The following ADCY6 variants were observed in gnomAD, a reference collection of about 807,000 sequenced individuals.
The protein encoded by ADCY6 is adenylate cyclase 6, also known as adenylate cyclase type 6.
ADCY6 carries 59 observed loss-of-function variants against 111.6 expected under a neutral mutation model. That is an observed-to-expected ratio of 0.53 (90% CI 0.43 to 0.66). The LOEUF is 0.66. ADCY6 is among the 30% of genes least tolerant of loss of function. The probability of loss-of-function intolerance (pLI) is 0.00; values close to 1 mark genes in which losing one functional copy is unlikely to be tolerated. For missense variants in ADCY6, 1,242 were observed against 1,595.6 expected, an observed-to-expected ratio of 0.78 and a Z score of 3.78; for synonymous variants, 576 against 642.9, an observed-to-expected ratio of 0.90 and a Z score of 1.57.
chr12:48,783,287 C>CA lies in ADCY6; in HGVS notation c.147dup (p.Ala50CysfsTer19). ...GCAGGGGTGGGGCTGGGTGGCTCTG[C>CA]ATCCCGGAGGCAGCTCATATAGCGG... On this transcript the variant is annotated frameshift_variant, in exon 2 of 22. Coordinates refer to ENST00000357869, the MANE Select transcript of ADCY6 (RefSeq NM_015270.5). LOFTEE classifies it high-confidence loss of function. The CA allele has an allele frequency of 6.2e-7, 1 of 1,612,600 alleles. No homozygotes were observed. Among genetic ancestry groups the CA allele is most frequent in the Non-Finnish European group, 8.5e-7 (1 of 1,179,568 alleles).
rs762954289 is a variant in ADCY6, at chr12:48,776,451, G to A, written c.1512C>T (p.His504=). 11 of 1,609,136 alleles carry A rather than the reference G, an allele frequency of 6.8e-6. No homozygotes were observed. Among genetic ancestry groups the A allele is most frequent in the African/African-American group, 2.7e-5 (2 of 72,802 alleles). The change falls in exon 7 of 22, where the codon CAC becomes CAT. Residue 504 remains histidine, a synonymous_variant. Coordinates refer to ENST00000357869, the MANE Select transcript of ADCY6 (RefSeq NM_015270.5). This position sits in a 1 kb window ranked among gnomAD's most constrained non-coding sequence, Gnocchi z 6.1. ...ACCCAGCCCGGCCTCCTGCCTCCAT[G>A]TGGTTGGCCAGGGTCACATCATTGG... is the stretch of plus-strand genomic sequence containing the variant. ...VWSNDVTLAN[H]MEAGGRAGRI... is the part of the protein sequence containing the mutation.
intron 1 of ADCY6, among the ~76,000 whole-genome samples, chr12:48,787,554 T>A (rs939684668): frequency 6.6e-6 from 1 of 152,146 alleles, no homozygotes; most frequent in Non-Finnish European, 1.5e-5. Context: ...CAGACTGGTA[T>A]GGCAGGAAAC....
rs942096763 is a variant in ADCY6 at position 48,768,534 on chromosome 12, C to T, written c.*57G>A. ...CTGCCACAGCTCCACCCAGTGAGCA[C>T]AGAGTCCACTCAATGCCCACCTTGG... On this transcript the variant is annotated 3_prime_UTR_variant, in exon 22 of 22. Transcript: ENST00000357869. 8 of 1,612,918 alleles carry T rather than the reference C, an allele frequency of 5.0e-6. No individual in the cohort carries two copies. The African/African-American group carries it at 8.0e-5, about 16-fold the overall frequency.
Position 48,777,132 on chromosome 12 carries a change from T to C in ADCY6, c.1348A>G (p.Met450Val). 2 of 1,612,304 alleles carry C rather than the reference T, an allele frequency of 1.2e-6. No individual in the cohort carries two copies. Among genetic ancestry groups the C allele is most frequent in the Non-Finnish European group, 1.7e-6 (2 of 1,179,120 alleles). Reference protein sequence around the residue: ...RADHAHCCVEMGVDMIEAISL... With the variant: ...RADHAHCCVEVGVDMIEAISL... Reference sequence around the variant, plus strand: ...ATGGCCTCAATCATGTCTACCCCCATCTCCACACAGCAGTGGGCATGGTCG... The same window carrying C: ...ATGGCCTCAATCATGTCTACCCCCACCTCCACACAGCAGTGGGCATGGTCG... Residue 450 changes from methionine (M) to valine (V), a missense_variant, in exon 6 of 22, where the codon ATG becomes GTG. Physicochemically the swap from Met to Val is conservative, Grantham distance 21. This residue lies in a region of ADCY6 where 260 missense variants were observed against 414.6 expected (regional missense o/e 0.63). Coordinates refer to ENST00000357869, the MANE Select transcript of ADCY6 (RefSeq NM_015270.5). The surrounding 1 kb of genome is among the most constrained non-coding windows in gnomAD (Gnocchi z 4.9).
chr12:48,775,052 G>C lies in ADCY6; in HGVS notation c.1983C>G (p.Tyr661Ter). The C allele has an allele frequency of 6.4e-7, 1 of 1,554,048 alleles. No individual in the cohort carries two copies. The highest frequency in any genetic ancestry group is 8.7e-7 in the Non-Finnish European group (1 of 1,148,192). Residue 661 changes from tyrosine to a stop codon, truncating the protein, a stop_gained and splice_region_variant, in exon 12 of 22, where the codon TAC becomes TAG. Coordinates refer to ENST00000357869, the MANE Select transcript of ADCY6 (RefSeq NM_015270.5). LOFTEE classifies it high-confidence loss of function. Reference protein sequence around the residue: ...TFQREDLEKKYSRKVDPRFGA... With the variant: ...TFQREDLEKK ...CGAAGCGGGGATCCACCTTCCGGGA[G>C]TACTGAGGGAGAGGAGGCTGAGCTG...
intron 1 of ADCY6, among the ~76,000 whole-genome samples, chr12:48,786,147 A>G (rs1592167040): frequency 1.3e-5 from 2 of 152,308 alleles, no homozygotes; most frequent in African/African-American, 4.8e-5. Context: ...ACTCGGGGAC[A>G]GGATGGAGGA....
intron 20 of ADCY6, 57 bp downstream of exon 20, chr12:48,770,709 C>G: frequency 6.4e-7 from 1 of 1,564,702 alleles, no homozygotes; most frequent in Admixed American, 1.7e-5. Context: ...GCCTATAATC[C>G]CAGCTTCACC....
At chr12:48,778,020 C>A in intron 3 of ADCY6, 88 bp downstream of exon 3, 1 of 1,506,166 alleles carries the variant, frequency 6.6e-7, no homozygotes, top group African/African-American at 1.4e-5. Context: ...CACTGTGCTG[C>A]ACGGAACTGG....
In ADCY6 at chr12:48,776,752, A is replaced by G. The variant is rs1382173799; in HGVS notation, c.1377-166T>C. Among the ~76,000 whole-genome samples the G allele has an allele frequency of 6.6e-6, 1 of 152,206 alleles. No individual in the cohort carries two copies. The highest frequency in any genetic ancestry group is 1.5e-5 in the Non-Finnish European group (1 of 68,028). Reference sequence around the variant, plus strand: ...ATGAGCAGAAGGCTGCATGGGGCTCAAGGACAAATGTTAAGGCTGTGTTCA... The same window carrying G: ...ATGAGCAGAAGGCTGCATGGGGCTCGAGGACAAATGTTAAGGCTGTGTTCA... On this transcript the variant is annotated intron_variant, in intron 6 of 21. Coordinates refer to ENST00000357869, the MANE Select transcript of ADCY6 (RefSeq NM_015270.5). The surrounding 1 kb of genome is among the most constrained non-coding windows in gnomAD (Gnocchi z 6.1).
At chr12:48,773,816 T>A in intron 15 of ADCY6, 124 bp downstream of exon 15, 1 of 1,451,362 alleles carries the variant, frequency 6.9e-7, no homozygotes, top group South Asian at 1.3e-5. Flanking sequence ...GGCCCCTGGT[T>A]GCTCCTAGTG....
At position 48,774,998 on chromosome 12, in the gene ADCY6, G is replaced by A. The variant is rs1313710332; in HGVS notation, c.2037C>T (p.Val679=). Residue 679 remains valine (V), a synonymous_variant, in exon 12 of 22, where the codon GTC becomes GTT. Coordinates refer to ENST00000357869, the MANE Select transcript of ADCY6 (RefSeq NM_015270.5). The part of the protein sequence containing the change: ...FGAYVACALL[V]FCFICFIQLL... The stretch of plus-strand genomic sequence containing the variant: ...GCTGGATGAAGCAGATGAAGCAGAA[G>A]ACCAACAGGGCACAGGCAACGTAGG... 6.4e-7 allele frequency: 1 copy of A among 1,558,500 alleles called. No homozygotes were observed. The highest frequency in any genetic ancestry group is 1.2e-5 in the South Asian group (1 of 84,390).
At chr12:48,783,839 C>T (rs1462661266) in intron 1 of ADCY6, 1 of 202,874 alleles carries the variant, frequency 4.9e-6, no homozygotes, top group African/African-American at 2.4e-5. Flanking sequence ...AATCCCAGCA[C>T]TTTGGAAGGC....
Position 48,776,073 on chromosome 12 carries a change from G to A in ADCY6, c.1696C>T (p.Leu566=). The change falls in exon 9 of 22, where the codon CTG becomes TTG. Residue 566 remains leucine (L), a synonymous_variant. Coordinates refer to ENST00000357869, the MANE Select transcript of ADCY6 (RefSeq NM_015270.5). This position sits in a 1 kb window ranked among gnomAD's most constrained non-coding sequence, Gnocchi z 6.1. ...GCCCGAGTCCGCTGCAGCTTGGCCA[G>A]CATGGCCTTCTCCTCTTTCTGTGCG... is the stretch of plus-strand genomic sequence containing the variant. The part of the protein sequence containing the change: ...SQKRKEEKAM[L]AKLQRTRANS... The A allele has an allele frequency of 6.2e-7, 1 of 1,613,528 alleles. No homozygotes were observed. Among genetic ancestry groups the A allele is most frequent in the Non-Finnish European group, 8.5e-7 (1 of 1,179,692 alleles).
At chr12:48,778,786 T>C (rs377462539) in intron 2 of ADCY6, among the ~76,000 whole-genome samples, 2 of 152,146 alleles carry the variant, frequency 1.3e-5, no homozygotes, top group South Asian at 2.1e-4. Context: ...ATAATCACCA[T>C]TGTCATTATT....
rs1403153113 is a variant in ADCY6 at position 48,771,885 on chromosome 12, T to C, written c.2876A>G (p.His959Arg). The change falls in exon 19 of 22, where the codon CAC becomes CGC. Residue 959 changes from histidine (H) to arginine (R), a missense_variant. By Grantham distance (29) the His-to-Arg change is conservative. Coordinates refer to ENST00000357869, the MANE Select transcript of ADCY6 (RefSeq NM_015270.5). This position sits in a 1 kb window ranked among gnomAD's most constrained non-coding sequence, Gnocchi z 4.3. The stretch of plus-strand genomic sequence containing the variant: ...ATTGCGGCGCTCCCGGGCCAGGAAG[T>C]GGGCCGCCACGTCCTTGGGCAGAAT... Reference protein sequence around the residue: ...HNILPKDVAAHFLARERRNDE... With the variant: ...HNILPKDVAARFLARERRNDE... The C allele has an allele frequency of 6.2e-7, 1 of 1,614,104 alleles. No individual in the cohort carries two copies. Among genetic ancestry groups the C allele is most frequent in the Non-Finnish European group, 8.5e-7 (1 of 1,180,034 alleles).
Position 48,772,762 on chromosome 12 carries a change from A to G in ADCY6, c.2622-219T>C, listed in dbSNP as rs1322010915. On this transcript the variant is annotated intron_variant, in intron 16 of 21. Transcript: ENST00000357869. ...ACTTACCAGCTATGTGACCTGAGAC[A>G]AGTCGCTTAACTCTCTAAGCCTCCT... Among the ~76,000 whole-genome samples, 5 of 152,206 alleles carry G rather than the reference A, an allele frequency of 3.3e-5. No homozygotes were observed. In the East Asian group the frequency reaches 9.6e-4, roughly 29 times the overall value.
upstream of ADCY6, chr12:48,789,883 C>G (rs528003367): frequency 6.6e-6 from 1 of 152,208 alleles, no homozygotes; most frequent in African/African-American, 2.4e-5. Flanking sequence ...CAGCCTCACC[C>G]CCAGGCATCT....
At chr12:48,781,666 G>C (rs1941849055) in intron 2 of ADCY6, among the ~76,000 whole-genome samples, 1 of 152,196 alleles carries the variant, frequency 6.6e-6, no homozygotes, top group Non-Finnish European at 1.5e-5. Flanking sequence ...ACAGCAACAT[G>C]AGCTAGATGC....
rs190356796 is a variant in ADCY6, at chr12:48,773,651, C to T, written c.2443-4G>A. 18 of 1,613,958 alleles carry T rather than the reference C, an allele frequency of 1.1e-5. No homozygotes were observed. Among genetic ancestry groups the T allele is most frequent in the East Asian group, 4.5e-5 (2 of 44,888 alleles). ...GCAGCATGTTCCCGATGAAGTACTGCGGGGGTGGCAGAGGCAGCGTTGGGT... is the reference window on the plus strand; with the variant it reads ...GCAGCATGTTCCCGATGAAGTACTGTGGGGGTGGCAGAGGCAGCGTTGGGT... On this transcript the variant is annotated splice_polypyrimidine_tract_variant and splice_region_variant and intron_variant, in intron 15 of 21. Coordinates refer to ENST00000357869, the MANE Select transcript of ADCY6 (RefSeq NM_015270.5).
Sources: gnomAD v4.1 joint callset for allele counts (sites outside exome capture counted in the v4.1 genomes callset) on GRCh38, gnomAD v4.1.1 for gene constraint, gnomAD v4.1.1 regional missense constraint, Gnocchi (gnomAD v3.1) non-coding constraint, MANE v1.5 for transcripts, NCBI Gene and HGNC (gene_info 2026-07-23, HGNC 2026-07-21) for gene names.